Variants in B4GALT5 observed in about 807,000 individuals in gnomAD.
The protein encoded by B4GALT5 is beta-1,4-galactosyltransferase 5, also known as UDP-Gal:beta-GlcNAc beta-1,4-galactosyltransferase 5.
Under a neutral mutation model 45.0 loss-of-function variants are expected in B4GALT5, and 11 were observed. The observed-to-expected ratio is 0.24, with a 90% CI of 0.15 to 0.40. B4GALT5 has a LOEUF of 0.40. Ranked by LOEUF, B4GALT5 falls within the 10% of genes least tolerant of loss-of-function variation. B4GALT5 has a pLI of 1.00. For synonymous variants in B4GALT5, 185 were observed against 182.9 expected (o/e 1.01, Z -0.09); for missense variants, 337 against 500.2 (o/e 0.67, Z 3.11).
In B4GALT5 at chr20:49,642,465, C is replaced by A; in HGVS notation, c.606+3G>T. 1 of 1,600,862 alleles carries A rather than the reference C, an allele frequency of 6.2e-7. No homozygotes were observed. Among genetic ancestry groups the A allele is most frequent in the South Asian group, 1.1e-5 (1 of 90,374 alleles). ...AAAGAAAGGAAAAGAAAGGACTACTCACTTGTTCAACCACATAAAATGCAA... is the reference window on the plus strand; with the variant it reads ...AAAGAAAGGAAAAGAAAGGACTACTAACTTGTTCAACCACATAAAATGCAA... On this transcript the variant is annotated splice_donor_region_variant and intron_variant, in intron 5 of 8. Transcript: ENST00000371711.
chr20:49,656,631 G>C lies in B4GALT5; in HGVS notation c.187C>G (p.Gln63Glu). ...IRDNVRTIGAQVYEQVLRSAY... is the reference protein window; with the variant it reads ...IRDNVRTIGAEVYEQVLRSAY... ...CTCCGAAGCACCTGCTCATAAACCT[G>C]AGCACCGATTGTTCTCACGTTGTCC... Residue 63 changes from glutamine (Q) to glutamate (E), a missense_variant, in exon 2 of 9, where the codon CAG (glutamine) becomes GAG (glutamate). Gln to Glu is a conservative substitution (Grantham distance 29, BLOSUM62 2). Coordinates refer to ENST00000371711, the MANE Select transcript of B4GALT5 (RefSeq NM_004776.4). 1 of 1,614,092 alleles carries C rather than the reference G, an allele frequency of 6.2e-7. No individual in the cohort carries two copies. Among genetic ancestry groups the C allele is most frequent in the Non-Finnish European group, 8.5e-7 (1 of 1,180,020 alleles).
intron 1 of B4GALT5, among the ~76,000 whole-genome samples, chr20:49,693,812 T>C (rs1021694904): frequency 1.3e-5 from 2 of 152,174 alleles, no homozygotes; most frequent in Non-Finnish European, 2.9e-5. Flanking sequence ...CCAGGGCAGG[T>C]ATGCAGCTTT....
intron 2 of B4GALT5, among the ~76,000 whole-genome samples, chr20:49,653,348 G>C (rs550649697): frequency 1.1e-3 from 171 of 152,332 alleles, no homozygotes; most frequent in African/African-American, 3.9e-3. Flanking sequence ...CAGTGACACA[G>C]CAGCTCCACA....
chr20:49,681,076 C>A (rs150623069), intron 1 of B4GALT5, among the ~76,000 whole-genome samples: 1 of 151,726 alleles, frequency 6.6e-6, no homozygotes, highest in Non-Finnish European at 1.5e-5. Flanking sequence ...ATTAGCCAGG[C>A]GTGGTGGCAT....
intron 8 of B4GALT5, 97 bp downstream of exon 8, chr20:49,637,244 G>T: frequency 9.5e-7 from 1 of 1,054,758 alleles, no homozygotes; most frequent in Non-Finnish European, 1.5e-6. Context: ...AGGGCCTCGG[G>T]GTGGGGAGTA....
chr20:49,701,007 T>A (rs753880229), intron 1 of B4GALT5, among the ~76,000 whole-genome samples: 2 of 152,122 alleles, frequency 1.3e-5, no homozygotes, highest in Non-Finnish European at 2.9e-5. Context: ...ATTAAACACA[T>A]CTGTCCAGAA....
At position 49,692,938 on chromosome 20, in the gene B4GALT5, TAAG is replaced by T. The variant is rs2085822181; in HGVS notation, c.115+20635_115+20637del. Among the ~76,000 whole-genome samples the T allele has an allele frequency of 2.6e-5, 4 of 152,248 alleles. No individual in the cohort carries two copies. In the South Asian group the frequency reaches 8.3e-4, roughly 31 times the overall value. ...AGCTGCATATCCAATGGTGATCCTC[TAAG>T]ATTATAATACTGTATTTTTACTATA... On this transcript the variant is annotated intron_variant, in intron 1 of 8. Transcript: ENST00000371711.
intron 1 of B4GALT5, among the ~76,000 whole-genome samples, chr20:49,712,544 A>G (rs1279900936): frequency 6.6e-6 from 1 of 152,086 alleles, no homozygotes. Flanking sequence ...AGGAGTACCC[A>G]TTACATCTTT....
intron 1 of B4GALT5, among the ~76,000 whole-genome samples, chr20:49,683,914 G>C (rs1475238411): frequency 1.3e-5 from 2 of 151,818 alleles, no homozygotes; most frequent in Non-Finnish European, 2.9e-5. Flanking sequence ...GCCGAGGTGG[G>C]TGGATCACTT....
At chr20:49,681,958 T>C (rs1448932545) in intron 1 of B4GALT5, among the ~76,000 whole-genome samples, 1 of 152,188 alleles carries the variant, frequency 6.6e-6, no homozygotes, top group Non-Finnish European at 1.5e-5. Flanking sequence ...TAGTCCGGCA[T>C]GGTGGCTTGC....
At chr20:49,670,492 C>T (rs6095604) in intron 1 of B4GALT5, among the ~76,000 whole-genome samples, 71,058 of 151,882 alleles carry the variant, frequency 0.47, 17,587 homozygotes, top group South Asian at 0.65. Context: ...TTCCTGAGCT[C>T]AAGAGATCTT....
chr20:49,679,786 T>C (rs2085756884), intron 1 of B4GALT5, among the ~76,000 whole-genome samples: 1 of 152,194 alleles, frequency 6.6e-6, no homozygotes, highest in African/African-American at 2.4e-5. Flanking sequence ...TTAACACATA[T>C]TGCTGCCATA....
At chr20:49,660,974 A>G (rs2085662620) in intron 1 of B4GALT5, among the ~76,000 whole-genome samples, 1 of 152,226 alleles carries the variant, frequency 6.6e-6, no homozygotes, top group Admixed American at 6.5e-5. Context: ...AACAACAAAA[A>G]AAGCAGTCTT....
At chr20:49,702,895 C>T (rs2085868274) in intron 1 of B4GALT5, among the ~76,000 whole-genome samples, 1 of 151,532 alleles carries the variant, frequency 6.6e-6, no homozygotes, top group Non-Finnish European at 1.5e-5. Flanking sequence ...GATTACTGGC[C>T]AGGCGCGGTG....
chr20:49,680,760 T>C (rs1490545899), intron 1 of B4GALT5, among the ~76,000 whole-genome samples: 1 of 152,162 alleles, frequency 6.6e-6, no homozygotes, highest in African/African-American at 2.4e-5. Context: ...CGCCACTAAA[T>C]TGTATACTTC....
Position 49,647,077 on chromosome 20 carries a change from A to C in B4GALT5, c.252T>G (p.Asp84Glu). 6.2e-7 allele frequency: 1 copy of C among 1,608,742 alleles called. No individual in the cohort carries two copies. Among genetic ancestry groups the C allele is most frequent in the Non-Finnish European group, 8.5e-7 (1 of 1,176,034 alleles). ...CACTGTGGTTCAAGTCAAGAGGATA[A>C]TCTAGGGAGGTAAAGGAAAAAAGTC... ...AKRNSSVNDS[D>E]YPLDLNHSET... Residue 84 changes from aspartate to glutamate, a missense_variant and splice_region_variant, in exon 3 of 9, where the codon GAT becomes GAG. Asp to Glu is a conservative substitution (Grantham distance 45). Coordinates refer to ENST00000371711, the MANE Select transcript of B4GALT5 (RefSeq NM_004776.4).
At chr20:49,687,420 C>T (rs542837280) in intron 1 of B4GALT5, among the ~76,000 whole-genome samples, 57 of 152,140 alleles carry the variant, frequency 3.7e-4, no homozygotes, top group African/African-American at 6.3e-4. Flanking sequence ...CTGAGGTGGG[C>T]GGATCATAAG....
In B4GALT5 at chr20:49,635,740, T is replaced by C. The variant is rs2085550398; in HGVS notation, c.*572A>G. ...AGTGATTGTTATATATTTATGTCTA[T>C]TTATCTTTCCCAAACACCCTCCCCT... On this transcript the variant is annotated 3_prime_UTR_variant, in exon 9 of 9. Coordinates refer to ENST00000371711, the MANE Select transcript of B4GALT5 (RefSeq NM_004776.4). 6.5e-6 allele frequency: 1 copy of C among 152,814 alleles called. No homozygotes were observed. The highest frequency in any genetic ancestry group is 1.5e-5 in the Non-Finnish European group (1 of 68,254). The allele number at this position is 152,814 out of a possible 1,614,324, so 9.5% of individuals were successfully genotyped here.
intron 1 of B4GALT5, among the ~76,000 whole-genome samples, chr20:49,659,446 G>A (rs1390639302): frequency 2.0e-5 from 3 of 152,134 alleles, no homozygotes; most frequent in Non-Finnish European, 4.4e-5. Context: ...ATCAAAACTT[G>A]GATTTGTTTC....
Sources: gnomAD v4.1 joint callset for allele counts (sites outside exome capture counted in the v4.1 genomes callset) on GRCh38, gnomAD v4.1.1 for gene constraint, MANE v1.5 for transcripts, NCBI Gene and HGNC (gene_info 2026-07-23, HGNC 2026-07-21) for gene names.